ADARB2: variants seen among roughly 807,000 people sequenced by gnomAD.
The protein encoded by ADARB2 is adenosine deaminase RNA specific B2 (inactive), also known as inactive double-stranded RNA-specific editase B2.
Under a neutral mutation model 62.2 loss-of-function variants are expected in ADARB2, and 25 were observed. The observed-to-expected ratio is 0.40, with a 90% CI of 0.29 to 0.56. The LOEUF is 0.56. Ranked by LOEUF, ADARB2 falls within the 20% of genes least tolerant of loss-of-function variation. ADARB2 has a pLI of 0.43. For synonymous variants in ADARB2, 572 were observed against 500.8 expected, an observed-to-expected ratio of 1.14 and a Z score of -1.90; for missense variants, 1,071 against 1,077.4, an observed-to-expected ratio of 0.99 and a Z score of 0.08.
At chr10:1,502,368 A>G (rs1831777214) in intron 1 of ADARB2, among the ~76,000 whole-genome samples, 1 of 152,238 alleles carries the variant, frequency 6.6e-6, no homozygotes, top group South Asian at 2.1e-4. Flanking sequence ...CTGGAGAGGT[A>G]TATGACCGTG....
At chr10:1,698,093 C>T (rs931724347) in intron 1 of ADARB2, among the ~76,000 whole-genome samples, 6 of 152,252 alleles carry the variant, frequency 3.9e-5, no homozygotes, top group African/African-American at 1.2e-4. Flanking sequence ...ACCTCTCCCA[C>T]TGCCCTCTCT....
intron 1 of ADARB2, among the ~76,000 whole-genome samples, chr10:1,525,140 T>A (rs924337846): frequency 6.6e-6 from 1 of 152,158 alleles, no homozygotes; most frequent in African/African-American, 2.4e-5. Flanking sequence ...CTTTTTGTAC[T>A]AATAGCTGTA....
intron 1 of ADARB2, among the ~76,000 whole-genome samples, chr10:1,475,433 T>C (rs1384194367): frequency 6.6e-6 from 1 of 152,080 alleles, no homozygotes; most frequent in Non-Finnish European, 1.5e-5. Context: ...ACATTACCCA[T>C]CCCGGGCCCC....
At chr10:1,387,674 TA>T (rs1182282242) in intron 1 of ADARB2, among the ~76,000 whole-genome samples, 1 of 151,974 alleles carries the variant, frequency 6.6e-6, no homozygotes, top group Admixed American at 6.5e-5. Flanking sequence ...AAGAAATATT[TA>T]AAGAAGAAAT....
At chr10:1,325,944 T>C (rs1831840835) in intron 3 of ADARB2, among the ~76,000 whole-genome samples, 1 of 150,378 alleles carries the variant, frequency 6.6e-6, no homozygotes, top group South Asian at 2.1e-4. Context: ...CCTCAGAATA[T>C]AGTTTCTCTA....
intron 8 of ADARB2, among the ~76,000 whole-genome samples, chr10:1,186,724 T>C (rs6560718): frequency 6.6e-6 from 1 of 152,006 alleles, no homozygotes. Context: ...GCATTGCATA[T>C]AGGCCAGCCA....
chr10:1,351,806 C>T (rs1187529179), intron 3 of ADARB2, among the ~76,000 whole-genome samples: 11 of 151,810 alleles, frequency 7.2e-5, no homozygotes, highest in Admixed American at 1.3e-4. Context: ...CTATAACCTC[C>T]CCTTACAATT....
chr10:1,633,549 CATCTATCTATCTATCTATCTATCTATCT>C (rs57536419), intron 1 of ADARB2, among the ~76,000 whole-genome samples: 4 of 101,704 alleles, frequency 3.9e-5, no homozygotes, highest in East Asian at 3.0e-4. Context: ...GTCTATCTAT[CATCTATCTATCTATCTATCTATCTATCT>C]ATCTATCTAT....
At chr10:1,706,361 G>C (rs1269102420) in intron 1 of ADARB2, among the ~76,000 whole-genome samples, 1 of 152,212 alleles carries the variant, frequency 6.6e-6, no homozygotes, top group Non-Finnish European at 1.5e-5. Flanking sequence ...AATAGGAACA[G>C]CTTGGGAGTA....
At chr10:1,354,107 A>C (rs1283788394) in intron 3 of ADARB2, among the ~76,000 whole-genome samples, 1 of 152,114 alleles carries the variant, frequency 6.6e-6, no homozygotes, top group Non-Finnish European at 1.5e-5. Context: ...TGCTTGAAGC[A>C]GCCCTGAGAA....
At chr10:1,511,498 G>A (rs947981267) in intron 1 of ADARB2, among the ~76,000 whole-genome samples, 1 of 152,080 alleles carries the variant, frequency 6.6e-6, no homozygotes, top group Non-Finnish European at 1.5e-5. Context: ...CCTGTGGAAT[G>A]GGGGGTGGGG....
intron 3 of ADARB2, among the ~76,000 whole-genome samples, chr10:1,276,468 C>T (rs1831318048): frequency 1.3e-5 from 2 of 152,106 alleles, no homozygotes; most frequent in African/African-American, 4.8e-5. Flanking sequence ...TGCCTGTTCA[C>T]TCTGATGGTA....
chr10:1,390,815 G>T (rs981055836), intron 1 of ADARB2, among the ~76,000 whole-genome samples: 2 of 152,192 alleles, frequency 1.3e-5, no homozygotes, highest in East Asian at 3.8e-4. Flanking sequence ...ACCAGTGAGG[G>T]GCAAACAAGA....
At chr10:1,351,673 T>C (rs533277524) in intron 3 of ADARB2, among the ~76,000 whole-genome samples, 18 of 152,084 alleles carry the variant, frequency 1.2e-4, no homozygotes, top group African/African-American at 4.3e-4. Flanking sequence ...CATGCACCCC[T>C]CACCATCCCA....
At chr10:1,201,590 C>T (rs1438875543) in intron 7 of ADARB2, among the ~76,000 whole-genome samples, 1 of 151,168 alleles carries the variant, frequency 6.6e-6, no homozygotes, top group Non-Finnish European at 1.5e-5. Flanking sequence ...ACCTTCATTC[C>T]ACAGAGTGTC....
intron 6 of ADARB2, among the ~76,000 whole-genome samples, chr10:1,219,867 A>ATGGTGATGG (rs1830668107): frequency 7.9e-6 from 1 of 126,432 alleles, no homozygotes; most frequent in Non-Finnish European, 1.7e-5. Flanking sequence ...GATGATGGTA[A>ATGGTGATGG]TGGTGGTGGT....
chr10:1,634,242 T>A (rs557223907), intron 1 of ADARB2, among the ~76,000 whole-genome samples: 1 of 152,248 alleles, frequency 6.6e-6, no homozygotes, highest in South Asian at 2.1e-4. Context: ...ACCTAACCCA[T>A]CTGTGAGAAC....
chr10:1,510,368 G>C (rs1324801427), intron 1 of ADARB2, among the ~76,000 whole-genome samples: 1 of 151,818 alleles, frequency 6.6e-6, no homozygotes, highest in Non-Finnish European at 1.5e-5. Context: ...TTTCTTTAGA[G>C]TTGGGGTCTC....
intron 3 of ADARB2, among the ~76,000 whole-genome samples, chr10:1,326,393 C>T (rs1831846465): frequency 6.6e-6 from 1 of 152,214 alleles, no homozygotes; most frequent in Non-Finnish European, 1.5e-5. Context: ...CTGAACCATT[C>T]TGTGACGTGG....
Sources: gnomAD v4.1 joint callset for allele counts (sites outside exome capture counted in the v4.1 genomes callset) on GRCh38, gnomAD v4.1.1 for gene constraint, MANE v1.5 for transcripts, NCBI Gene and HGNC (gene_info 2026-07-23, HGNC 2026-07-21) for gene names.